Variants in NT5DC3 observed in about 807,000 individuals in gnomAD.
The protein encoded by NT5DC3 is 5'-nucleotidase domain-containing protein 3.
A neutral mutation model predicts 67.8 loss-of-function variants in NT5DC3; 42 were observed. That is an observed-to-expected ratio of 0.62 (90% CI 0.48 to 0.80). The LOEUF (loss-of-function observed/expected upper bound fraction) is 0.80, where lower values mean the gene tolerates loss of function less well. Among genes scored for constraint, NT5DC3 ranks in the 30% least tolerant of loss-of-function variants. NT5DC3 has a pLI of 0.00. For synonymous variants in NT5DC3, 237 were observed against 255.6 expected (o/e 0.93, Z 0.69); for missense variants, 570 against 696.4 (o/e 0.82, Z 2.04).
downstream of NT5DC3, among the ~76,000 whole-genome samples, chr12:103,769,626 G>A (rs1566092756): frequency 6.6e-6 from 1 of 152,200 alleles, no homozygotes; most frequent in Non-Finnish European, 1.5e-5. Context: ...CTGCCCAGCT[G>A]GTGGACCCAG....
chr12:103,840,872 G>C, intron 1 of NT5DC3, 77 bp downstream of exon 1: 2 of 839,056 alleles, frequency 2.4e-6, no homozygotes, highest in Non-Finnish European at 3.3e-6. Flanking sequence ...GCTGGTCCGG[G>C]TCCTAGGGCG....
intron 5 of NT5DC3, among the ~76,000 whole-genome samples, chr12:103,798,247 C>T (rs1485675801): frequency 6.6e-6 from 1 of 152,176 alleles, no homozygotes; most frequent in East Asian, 1.9e-4. Context: ...TCAACTCTGG[C>T]ATTTCACAGC....
chr12:103,751,707 A>G, the NT5DC3 span, among the ~76,000 whole-genome samples: 1 of 152,360 alleles, frequency 6.6e-6, no homozygotes, highest in South Asian at 2.1e-4. Flanking sequence ...TTTAGGACAC[A>G]GTTCATTCAG....
At chr12:103,829,242 T>C (rs1887826715) in intron 1 of NT5DC3, among the ~76,000 whole-genome samples, 1 of 152,218 alleles carries the variant, frequency 6.6e-6, no homozygotes, top group South Asian at 2.1e-4. Context: ...GCTCTGCATA[T>C]AGTCTCTGTT....
chr12:103,826,462 GAGAA>G (rs1369542145), intron 1 of NT5DC3, among the ~76,000 whole-genome samples: 3 of 152,228 alleles, frequency 2.0e-5, no homozygotes, highest in African/African-American at 4.8e-5. Flanking sequence ...GATGTGATTT[GAGAA>G]AGACTCAGAA....
chr12:103,784,444 C>T (rs185752707), intron 12 of NT5DC3, among the ~76,000 whole-genome samples: 2 of 152,338 alleles, frequency 1.3e-5, no homozygotes, highest in East Asian at 3.9e-4. Context: ...TCTCACTGCT[C>T]AGCCACTCCC....
the NT5DC3 span, chr12:103,759,262 C>T: frequency 5.0e-6 from 8 of 1,613,960 alleles, no homozygotes; most frequent in African/African-American, 1.3e-5. Flanking sequence ...CAGCCAGGAC[C>T]CACTCCAACC....
At chr12:103,782,486 G>A (rs897560623) in intron 12 of NT5DC3, among the ~76,000 whole-genome samples, 6 of 152,146 alleles carry the variant, frequency 3.9e-5, no homozygotes, top group Non-Finnish European at 7.4e-5. Flanking sequence ...TACTGTCCAC[G>A]GCTGCTTTTG....
chr12:103,822,940 C>T (rs1024659657), intron 1 of NT5DC3, among the ~76,000 whole-genome samples: 3 of 152,116 alleles, frequency 2.0e-5, no homozygotes, highest in African/African-American at 4.8e-5. Context: ...GAGGCCCAAA[C>T]GTACATCTCA....
intron 1 of NT5DC3, among the ~76,000 whole-genome samples, chr12:103,833,411 T>G (rs1203309436): frequency 1.3e-5 from 2 of 152,212 alleles, no homozygotes; most frequent in African/African-American, 4.8e-5. Flanking sequence ...CTTGAGGAAC[T>G]TATGCTTACT....
chr12:103,747,852 G>A, the NT5DC3 span, among the ~76,000 whole-genome samples: 1 of 151,908 alleles, frequency 6.6e-6, no homozygotes, highest in Admixed American at 6.6e-5. Context: ...AAAATTAGCC[G>A]GGCATGGTGA....
At chr12:103,756,931 C>T in the NT5DC3 span, among the ~76,000 whole-genome samples, 1 of 147,284 alleles carries the variant, frequency 6.8e-6, no homozygotes, top group South Asian at 2.1e-4. Flanking sequence ...AAGACGGTGT[C>T]AGAACAAAAC....
At chr12:103,837,241 G>A (rs1163120131) in intron 1 of NT5DC3, among the ~76,000 whole-genome samples, 6 of 152,174 alleles carry the variant, frequency 3.9e-5, no homozygotes, top group Non-Finnish European at 7.3e-5. Context: ...AGGACACAGC[G>A]CACACAGCAT....
chr12:103,759,139 T>C, the NT5DC3 span: 8 of 1,614,200 alleles, frequency 5.0e-6, no homozygotes, highest in Middle Eastern at 1.6e-4. Flanking sequence ...TCAGACCTTG[T>C]CTGGGCGGGA....
chr12:103,839,489 G>C (rs1888289324), intron 1 of NT5DC3, among the ~76,000 whole-genome samples: 1 of 152,138 alleles, frequency 6.6e-6, no homozygotes, highest in African/African-American at 2.4e-5. Context: ...AGATCTGCCT[G>C]CTTCAACCTC....
At chr12:103,758,892 G>A in the NT5DC3 span, among the ~76,000 whole-genome samples, 26 of 152,274 alleles carry the variant, frequency 1.7e-4, no homozygotes, top group South Asian at 4.4e-3. Context: ...TCAAGACACC[G>A]CTGGAAAGCT....
rs751116124 is a variant in NT5DC3 at position 103,841,016 on chromosome 12, G to A, written c.141C>T (p.Pro47=). Residue 47 remains proline (P), a synonymous_variant, in exon 1 of 14, where the codon CCC becomes CCT. Coordinates refer to ENST00000392876, the MANE Select transcript of NT5DC3 (RefSeq NM_001031701.3). ...AGCGCTTCATGTCCGGGGCGGTCCCGGGTGCAGTGCACAAGGGCCGGGCGG... is the reference window on the plus strand; with the variant it reads ...AGCGCTTCATGTCCGGGGCGGTCCCAGGTGCAGTGCACAAGGGCCGGGCGG... ...AGPARPLCTA[P]GTAPDMKRYL... is the part of the protein sequence containing the mutation. 3.1e-6 allele frequency: 4 copies of A among 1,296,874 alleles called. No homozygotes were observed. The highest frequency in any genetic ancestry group is 4.1e-5 in the Admixed American group (1 of 24,406). The allele number at this position is 1,296,874 out of a possible 1,614,324, so 80.3% of individuals were successfully genotyped here. A position where few individuals can be genotyped will look rare whatever the true frequency, so the allele number is the denominator to read the frequency against.
intron 9 of NT5DC3, among the ~76,000 whole-genome samples, chr12:103,790,022 C>A (rs973171461): frequency 6.6e-6 from 1 of 152,042 alleles, no homozygotes; most frequent in Admixed American, 6.5e-5. Context: ...TCTAATATTG[C>A]GAGCAATTTC....
At chr12:103,806,793 CAACA>C (rs1886818519) in intron 3 of NT5DC3, 58 bp downstream of exon 3, 6 of 1,080,366 alleles carry the variant, frequency 5.6e-6, no homozygotes, top group Admixed American at 1.8e-5. Flanking sequence ...AGAAAAGTAC[CAACA>C]GTACATTTCA....
Sources: allele counts gnomAD v4.1 joint callset (sites outside exome capture counted in the v4.1 genomes callset), GRCh38; gene constraint gnomAD v4.1.1; transcripts MANE v1.5; gene names NCBI Gene and HGNC (gene_info 2026-07-23, HGNC 2026-07-21).